The following DARS2 variants were observed in gnomAD, a reference collection of about 807,000 sequenced individuals.
DARS2 encodes the protein aspartate--tRNA ligase, mitochondrial.
DARS2 carries 63 observed loss-of-function variants against 83.0 expected under a neutral mutation model. That is an observed-to-expected ratio of 0.76 (90% CI 0.62 to 0.94). DARS2 has a LOEUF of 0.94. Ranked by LOEUF, DARS2 falls within the 40% of genes least tolerant of loss-of-function variation. The pLI, the probability that DARS2 is intolerant of heterozygous loss-of-function variation, is 0.00. For synonymous variants in DARS2, 250 were observed against 269.3 expected, an observed-to-expected ratio of 0.93 and a Z score of 0.70; for missense variants, 675 against 774.4, an observed-to-expected ratio of 0.87 and a Z score of 1.52.
chr1:173,847,956 C>T (rs1486665393), intron 12 of DARS2, among the ~76,000 whole-genome samples: 1 of 150,914 alleles, frequency 6.6e-6, no homozygotes, highest in Non-Finnish European at 1.5e-5. Flanking sequence ...AGGTTCACGC[C>T]GTTCTTCTGC....
rs66665709 is a variant in DARS2 at position 173,850,605 on chromosome 1, C to CTT, written c.1344+141_1344+142dup. The CTT allele has an allele frequency of 7.8e-3, 5,346 of 687,506 alleles. 47 individuals are homozygous for CTT. The highest frequency in any genetic ancestry group is 0.04 in the African/African-American group (1,987 of 49,410). 42.6% of individuals were successfully genotyped at this position (687,506 alleles called of 1,614,324 possible). A position where few individuals can be genotyped will look rare whatever the true frequency, so the allele number is the denominator to read the frequency against. ...TAAAATGGAGCTGCTCTGCATAAATCTTTTTTTTTTTTTTTTAAGAGACGG... is the reference window on the plus strand; with the variant it reads ...TAAAATGGAGCTGCTCTGCATAAATCTTTTTTTTTTTTTTTTTTAAGAGACGG... On this transcript the variant is annotated intron_variant, in intron 13 of 16. Coordinates refer to ENST00000649689, the MANE Select transcript of DARS2 (RefSeq NM_018122.5).
At position 173,834,748 on chromosome 1, in the gene DARS2, T is replaced by G. The variant is rs544979950; in HGVS notation, c.663+229T>G. Among the ~76,000 whole-genome samples the G allele has an allele frequency of 5.1e-5, 7 of 137,876 alleles. No homozygotes were observed. The East Asian group carries it at 1.0e-3, about 20-fold the overall frequency. 90.5% of individuals were successfully genotyped at this position (137,876 alleles called of 152,430 possible). The stretch of plus-strand genomic sequence containing the variant: ...AGTTTTTTTGTTTTTTTTTTTTTTT[T>G]TTTTTTTTTGGTTTGTTTTGGGTTT... On this transcript the variant is annotated intron_variant, in intron 7 of 16. Coordinates refer to ENST00000649689, the MANE Select transcript of DARS2 (RefSeq NM_018122.5).
chr1:173,837,307 A>G (rs1442763664), intron 8 of DARS2, among the ~76,000 whole-genome samples: 1 of 152,076 alleles, frequency 6.6e-6, no homozygotes, highest in Non-Finnish European at 1.5e-5. Context: ...TCTACTCTCA[A>G]GGTGTTAAGG....
intron 1 of DARS2, 145 bp downstream of exon 1, chr1:173,825,501 C>T (rs1652475751): frequency 5.8e-6 from 3 of 521,544 alleles, no homozygotes. Flanking sequence ...CGGAGTCTCG[C>T]TCTGCTGCCC....
chr1:173,850,967 G>A (rs1459825147), intron 13 of DARS2, among the ~76,000 whole-genome samples: 1 of 151,974 alleles, frequency 6.6e-6, no homozygotes, highest in Non-Finnish European at 1.5e-5. Context: ...GCCGGGCATG[G>A]TGGCTAACGC....
intron 5 of DARS2, among the ~76,000 whole-genome samples, chr1:173,832,131 C>CA (rs1269474840): frequency 6.6e-6 from 1 of 152,196 alleles, no homozygotes; most frequent in East Asian, 1.9e-4. Context: ...ATATGATTTT[C>CA]AGCTTTGTCA....
chr1:173,850,296 A>AC, intron 12 of DARS2, 31 bp from the exon 13 acceptor site: 3 of 1,577,522 alleles, frequency 1.9e-6, no homozygotes, highest in Non-Finnish European at 2.6e-6. Flanking sequence ...AAAAAAAAAA[A>AC]AACGTGAATA....
intron 13 of DARS2, among the ~76,000 whole-genome samples, chr1:173,852,693 C>T (rs757684972): frequency 6.6e-5 from 10 of 151,870 alleles, no homozygotes; most frequent in East Asian, 3.9e-4. Context: ...TTAGTAGTGA[C>T]GGGGTTTCAC....
intron 15 of DARS2, 75 bp downstream of exon 15, chr1:173,853,980 TTTGC>T (rs1489252826): frequency 2.3e-6 from 3 of 1,312,956 alleles, no homozygotes; most frequent in South Asian, 1.2e-5. Context: ...GTTGTTGTTG[TTTGC>T]TTGTTTGTTT....
In DARS2 at chr1:173,839,411, TTTAA is replaced by T; in HGVS notation, c.888_891del (p.Ile297ArgfsTer22). On this transcript the variant is annotated frameshift_variant, in exon 10 of 17. Coordinates refer to ENST00000649689, the MANE Select transcript of DARS2 (RefSeq NM_018122.5). LOFTEE classifies it high-confidence loss of function. ...TTGTAGACCAGACTGGGATCCAGAGTTTAATTGAGGGTTTGCTCCAGTATTCCTG... is the reference window on the plus strand; with the variant it reads ...TTGTAGACCAGACTGGGATCCAGAGTTTGAGGGTTTGCTCCAGTATTCCTG... The T allele has an allele frequency of 6.2e-7, 1 of 1,614,014 alleles. No individual in the cohort carries two copies. The highest frequency in any genetic ancestry group is 2.2e-5 in the East Asian group (1 of 44,874).
chr1:173,826,717 C>G lies in DARS2; in HGVS notation c.158C>G (p.Thr53Arg). ...AGTAGCTTTGTTGTCCGGACCAACA[C>G]ATGTGGAGAGTTGCGTTCGTCTCAC... is the stretch of plus-strand genomic sequence containing the variant. ...EFSSFVVRTN[T>R]CGELRSSHLG... is the part of the protein sequence containing the mutation. The change falls in exon 2 of 17, where the codon ACA becomes AGA. Residue 53 changes from threonine to arginine, a missense_variant. Thr to Arg is a moderately conservative substitution (Grantham distance 71). Transcript: ENST00000649689. 2 of 1,607,638 alleles carry G rather than the reference C, an allele frequency of 1.2e-6. No individual in the cohort carries two copies. Among genetic ancestry groups the G allele is most frequent in the African/African-American group, 1.4e-5 (1 of 73,646 alleles).
chr1:173,836,915 C>A, intron 7 of DARS2, 25 bp from the exon 8 acceptor site: 1 of 1,590,568 alleles, frequency 6.3e-7, no homozygotes, highest in Non-Finnish European at 8.6e-7. Flanking sequence ...AATCTGTCTT[C>A]TCTCTCTTTC....
chr1:173,834,332 C>G, intron 6 of DARS2, 141 bp from the exon 7 acceptor site: 2 of 659,396 alleles, frequency 3.0e-6, no homozygotes, highest in Non-Finnish European at 5.5e-6. Flanking sequence ...TAGAAACCAG[C>G]ACCAGTAGGC....
At position 173,826,694 on chromosome 1, in the gene DARS2, T is replaced by C. The variant is rs1652589886; in HGVS notation, c.135T>C (p.Ser45=). 1 of 1,603,134 alleles carries C rather than the reference T, an allele frequency of 6.2e-7. No individual in the cohort carries two copies. The highest frequency in any genetic ancestry group is 8.5e-7 in the Non-Finnish European group (1 of 1,173,778). ...TTTTTTTTTTTTTTAAAGAATTCAG[T>C]AGCTTTGTTGTCCGGACCAACACAT... The part of the protein sequence containing the change: ...QSSQRRIPEF[S]SFVVRTNTCG... The change falls in exon 2 of 17, where the codon AGT becomes AGC. Residue 45 remains serine (S), a synonymous_variant. Transcript: ENST00000649689.
At position 173,844,918 on chromosome 1, in the gene DARS2, C is replaced by T. The variant is rs190379068; in HGVS notation, c.1129-311C>T. Among the ~76,000 whole-genome samples, 12 of 149,766 alleles carry T rather than the reference C, an allele frequency of 8.0e-5. No individual in the cohort carries two copies. In the East Asian group the frequency reaches 2.0e-3, roughly 25 times the overall value. ...ATGTGATTCTCCTGCCTCAACCTCC[C>T]GAGTAGCTGGGATTTCAGGCACCTG... On this transcript the variant is annotated intron_variant, in intron 11 of 16. Coordinates refer to ENST00000649689, the MANE Select transcript of DARS2 (RefSeq NM_018122.5).
At chr1:173,836,616 C>T (rs1209976549) in intron 7 of DARS2, among the ~76,000 whole-genome samples, 3 of 151,266 alleles carry the variant, frequency 2.0e-5, no homozygotes, top group Non-Finnish European at 4.4e-5. Context: ...TATAAAACTA[C>T]AGTTTAATTT....
rs1174130958 is a variant in DARS2 at position 173,850,356 on chromosome 1, T to C, written c.1221T>C (p.Asn407=). The C allele has an allele frequency of 6.2e-7, 1 of 1,610,418 alleles. No homozygotes were observed. Among genetic ancestry groups the C allele is most frequent in the East Asian group, 2.2e-5 (1 of 44,652 alleles). The change falls in exon 13 of 17, where the codon AAT becomes AAC. Residue 407 remains asparagine (N), a synonymous_variant. Coordinates refer to ENST00000649689, the MANE Select transcript of DARS2 (RefSeq NM_018122.5). ...QEILPVFLNA[N]RNWNSPVANF... ...TCTTACCTGTATTCCTTAACGCCAA[T>C]AGAAACTGGAATTCTCCAGTTGCTA...
intron 6 of DARS2, 36 bp downstream of exon 6, chr1:173,833,535 T>TAGCATCTCTTC: frequency 6.2e-7 from 1 of 1,613,440 alleles, no homozygotes. Context: ...TGGAGCTTTG[T>TAGCATCTCTTC]AGCATCTCTT....
At chr1:173,839,215 G>A (rs754298855) in intron 9 of DARS2, 152 bp from the exon 10 acceptor site, 285 of 703,576 alleles carry the variant, frequency 4.1e-4, no homozygotes, top group Non-Finnish European at 5.7e-4. Context: ...AAGGCCATTA[G>A]CACAGTGTCT....
Sources: allele counts gnomAD v4.1 joint callset (sites outside exome capture counted in the v4.1 genomes callset), GRCh38; gene constraint gnomAD v4.1.1; transcripts MANE v1.5; gene names NCBI Gene and HGNC (gene_info 2026-07-23, HGNC 2026-07-21).